The following CD38 variants were observed in gnomAD, a reference collection of about 807,000 sequenced individuals.
CD38 encodes the protein ADP-ribosyl cyclase/cyclic ADP-ribose hydrolase 1.
A neutral mutation model predicts 36.3 loss-of-function variants in CD38; 31 were observed. That is an observed-to-expected ratio of 0.85 (90% CI 0.64 to 1.15). The LOEUF is 1.15. Ranked by LOEUF, CD38 falls within the 50% of genes most tolerant of loss-of-function variation. The pLI, the probability that CD38 is intolerant of heterozygous loss-of-function variation, is 0.00. For missense variants in CD38, 380 were observed against 371.9 expected, an observed-to-expected ratio of 1.02 and a Z score of -0.18; for synonymous variants, 131 against 135.2, an observed-to-expected ratio of 0.97 and a Z score of 0.22.
chr4:15,797,131 A>G (rs1159884103), intron 1 of CD38, among the ~76,000 whole-genome samples: 1 of 152,008 alleles, frequency 6.6e-6, no homozygotes, highest in Non-Finnish European at 1.5e-5. Context: ...AAATTTTCTG[A>G]TTTTTGCTGG....
intron 1 of CD38, among the ~76,000 whole-genome samples, chr4:15,799,719 T>G (rs1322687070): frequency 6.6e-6 from 1 of 152,222 alleles, no homozygotes; most frequent in Non-Finnish European, 1.5e-5. Flanking sequence ...TGTATGGACA[T>G]ACTGACAGAG....
intron 3 of CD38, among the ~76,000 whole-genome samples, chr4:15,828,864 A>G (rs1323838033): frequency 6.6e-6 from 1 of 152,142 alleles, no homozygotes; most frequent in Non-Finnish European, 1.5e-5. Flanking sequence ...ATATGGTAGT[A>G]TTCTATTTTT....
chr4:15,784,260 G>A (rs1178941113), intron 1 of CD38, among the ~76,000 whole-genome samples: 1 of 152,218 alleles, frequency 6.6e-6, no homozygotes, highest in Non-Finnish European at 1.5e-5. Context: ...CCATGGAGAT[G>A]CAGACGTGCC....
chr4:15,825,287 G>C (rs530879755), intron 3 of CD38: 30 of 368,756 alleles, frequency 8.1e-5, no homozygotes, highest in African/African-American at 4.5e-4. Flanking sequence ...GCCTGAGGCT[G>C]TTTCCACTCA....
chr4:15,792,456 A>AAG (rs1304528268), intron 1 of CD38, among the ~76,000 whole-genome samples: 1 of 145,142 alleles, frequency 6.9e-6, no homozygotes, highest in East Asian at 2.0e-4. Context: ...GGAATGAATC[A>AAG]AGAAAAAAAA....
chr4:15,788,134 C>G (rs1338079516), intron 1 of CD38, among the ~76,000 whole-genome samples: 1 of 152,190 alleles, frequency 6.6e-6, no homozygotes, highest in African/African-American at 2.4e-5. Context: ...TTTGATCTCA[C>G]CTTAACAATC....
At position 15,778,594 on chromosome 4, in the gene CD38, C is replaced by T; in HGVS notation, c.180C>T (p.Pro60=). 3.7e-6 allele frequency: 6 copies of T among 1,613,730 alleles called. No individual in the cohort carries two copies. The highest frequency in any genetic ancestry group is 5.1e-6 in the Non-Finnish European group (6 of 1,179,962). ...GTCCGGGCACCACCAAGCGCTTTCC[C>T]GAGACCGTCCTGGCGCGATGCGTCA... is the stretch of plus-strand genomic sequence containing the variant. ...WSGPGTTKRF[P]ETVLARCVKY... The change falls in exon 1 of 8, where the codon CCC becomes CCT. Residue 60 remains proline, a synonymous_variant. Coordinates refer to ENST00000226279, the MANE Select transcript of CD38 (RefSeq NM_001775.4). This position sits in a 1 kb window ranked among gnomAD's most constrained non-coding sequence, Gnocchi z 4.9.
intron 4 of CD38, 82 bp downstream of exon 4, chr4:15,834,384 C>A (rs1403743007): frequency 2.4e-6 from 2 of 822,962 alleles, no homozygotes; most frequent in East Asian, 4.9e-5. Flanking sequence ...GGTTTTAACA[C>A]TTTTGGATTA....
At chr4:15,813,808 A>AT (rs1486739303) in intron 1 of CD38, among the ~76,000 whole-genome samples, 1 of 152,172 alleles carries the variant, frequency 6.6e-6, no homozygotes, top group Non-Finnish European at 1.5e-5. Flanking sequence ...ATAGTATTCC[A>AT]TGGTGTATAT....
chr4:15,841,041 A>T (rs1481400718), intron 7 of CD38, among the ~76,000 whole-genome samples: 5 of 148,594 alleles, frequency 3.4e-5, no homozygotes, highest in Non-Finnish European at 7.5e-5. Context: ...TTTTTAAATT[A>T]AAAAAAAAAG....
intron 1 of CD38, among the ~76,000 whole-genome samples, chr4:15,815,788 T>A (rs949016967): frequency 1.3e-5 from 2 of 152,176 alleles, no homozygotes; most frequent in African/African-American, 4.8e-5. Flanking sequence ...TGGCCAGAAC[T>A]TCCAATACTA....
rs901009668 is a variant in CD38 at position 15,779,571 on chromosome 4, C to A, written c.233+924C>A. Among the ~76,000 whole-genome samples the A allele has an allele frequency of 2.0e-5, 3 of 152,232 alleles. No individual in the cohort carries two copies. In the South Asian group the frequency reaches 6.2e-4, roughly 32 times the overall value. On this transcript the variant is annotated intron_variant, in intron 1 of 7. Transcript: ENST00000226279. ...AGCAAAATCCCGCATTTAAGCAATC[C>A]GAGGAAACGAGCAAATAGACCTCCC...
At chr4:15,779,995 T>C (rs1722655280) in intron 1 of CD38, among the ~76,000 whole-genome samples, 1 of 152,184 alleles carries the variant, frequency 6.6e-6, no homozygotes, top group African/African-American at 2.4e-5. Flanking sequence ...ACCCACTATG[T>C]TCCAGACAGT....
chr4:15,816,770 A>G (rs1577649598), intron 2 of CD38, 130 bp downstream of exon 2: 1 of 995,710 alleles, frequency 1.0e-6, no homozygotes. Flanking sequence ...TGTGGTTGGT[A>G]GGAATGGAAT....
rs537493415 is a variant in CD38 at position 15,850,533 on chromosome 4, G to A, written c.*1931G>A. Reference sequence around the variant, plus strand: ...TAAGGATTACAAAACTTAAAATGTGGTAAGTACTAAAGACGACAGCAAAAA... The same window carrying A: ...TAAGGATTACAAAACTTAAAATGTGATAAGTACTAAAGACGACAGCAAAAA... On this transcript the variant is annotated 3_prime_UTR_variant, in exon 8 of 8. Coordinates refer to ENST00000226279, the MANE Select transcript of CD38 (RefSeq NM_001775.4). 6.6e-6 allele frequency: 1 copy of A among 152,298 alleles called. No homozygotes were observed. The highest frequency in any genetic ancestry group is 1.9e-4 in the East Asian group (1 of 5,182). 9.4% of individuals were successfully genotyped at this position (152,298 alleles called of 1,614,324 possible).
intron 1 of CD38, among the ~76,000 whole-genome samples, chr4:15,786,121 A>C (rs1329760179): frequency 6.6e-6 from 1 of 152,192 alleles, no homozygotes; most frequent in Non-Finnish European, 1.5e-5. Context: ...AGCACTGTGG[A>C]CCCAAAGAGT....
intron 1 of CD38, among the ~76,000 whole-genome samples, chr4:15,785,897 C>T (rs138263908): frequency 2.5e-4 from 38 of 152,214 alleles, no homozygotes; most frequent in Middle Eastern, 3.4e-3. Flanking sequence ...TGGACATGTT[C>T]GGAGTTTCTT....
chr4:15,779,486 CAGA>C (rs1239339887), intron 1 of CD38, among the ~76,000 whole-genome samples: 3 of 152,198 alleles, frequency 2.0e-5, no homozygotes, highest in African/African-American at 7.2e-5. Context: ...GCTTGTAAAA[CAGA>C]AGAAGCCGGG....
At chr4:15,786,877 C>A (rs1043045264) in intron 1 of CD38, among the ~76,000 whole-genome samples, 1 of 152,230 alleles carries the variant, frequency 6.6e-6, no homozygotes, top group African/African-American at 2.4e-5. Flanking sequence ...CAAGCCCTGC[C>A]CCGCGGGGAG....
Sources: gnomAD v4.1 joint callset for allele counts (sites outside exome capture counted in the v4.1 genomes callset) on GRCh38, gnomAD v4.1.1 for gene constraint, Gnocchi (gnomAD v3.1) non-coding constraint, MANE v1.5 for transcripts, NCBI Gene and HGNC (gene_info 2026-07-23, HGNC 2026-07-21) for gene names.